Variants in DIAPH2 observed in about 807,000 individuals in gnomAD.
DIAPH2 encodes the protein protein diaphanous homolog 2.
In DIAPH2, 35 loss-of-function variants were observed where a neutral mutation model predicts 92.7. That is an observed-to-expected ratio of 0.38 (90% CI 0.29 to 0.50). The LOEUF is 0.50. DIAPH2 is among the 20% of genes least tolerant of loss of function. The pLI, the probability that DIAPH2 is intolerant of heterozygous loss-of-function variation, is 0.94. For missense variants in DIAPH2, 701 were observed against 819.5 expected, an observed-to-expected ratio of 0.86 and a Z score of 1.77; for synonymous variants, 301 against 280.4, an observed-to-expected ratio of 1.07 and a Z score of -0.73.
chrX:97,356,002 G>T (rs900724792), intron 24 of DIAPH2, among the ~76,000 whole-genome samples: 4 of 111,708 alleles, frequency 3.6e-5, no homozygotes, highest in Non-Finnish European at 1.9e-5. Context: ...AAACTGCTTG[G>T]GGTTGCCTTT....
rs72437319 is a variant in DIAPH2 at position 96,837,429 on chromosome X, CTCTCTGTG to C, written c.448-44148_448-44141del. Reference sequence around the variant, plus strand: ...CCTCTCTCTCTCTCTCTCTCTCTCTCTCTCTGTGTGTGTGTGTGTGTGTGTGTGTGTGT... The same window carrying C: ...CCTCTCTCTCTCTCTCTCTCTCTCTCTGTGTGTGTGTGTGTGTGTGTGTGT... On this transcript the variant is annotated intron_variant, in intron 4 of 26. Transcript: ENST00000324765. Among the ~76,000 whole-genome samples, 208 of 39,075 alleles carry C rather than the reference CTCTCTGTG, an allele frequency of 5.3e-3. 1 individual carries two copies. Among genetic ancestry groups the C allele is most frequent in the African/African-American group, 0.049 (204 of 4,205 alleles). 33.9% of individuals were successfully genotyped at this position (39,075 alleles called of 115,157 possible).
intron 23 of DIAPH2, among the ~76,000 whole-genome samples, chrX:97,319,543 C>A (rs1203662181): frequency 9.1e-6 from 1 of 110,228 alleles, no homozygotes; most frequent in African/African-American, 3.3e-5. Context: ...CCCACCACTG[C>A]ACCCGGCTAA....
intron 22 of DIAPH2, among the ~76,000 whole-genome samples, chrX:97,169,816 C>T (rs1031387949): frequency 1.8e-5 from 2 of 111,203 alleles, no homozygotes; most frequent in African/African-American, 3.3e-5. Flanking sequence ...AGCAATGAGC[C>T]GTGATCGTGC....
intron 3 of DIAPH2, among the ~76,000 whole-genome samples, chrX:96,751,045 C>A (rs192290788): frequency 9.0e-6 from 1 of 111,532 alleles, no homozygotes; most frequent in Admixed American, 9.5e-5. Flanking sequence ...CTAATTATTG[C>A]GGAGAAAAAT....
intron 22 of DIAPH2, among the ~76,000 whole-genome samples, chrX:97,240,549 T>C (rs1369264158): frequency 9.5e-6 from 1 of 104,716 alleles, no homozygotes; most frequent in East Asian, 2.9e-4. Flanking sequence ...GAGCTTGTAG[T>C]GAGCCGAGAT....
chrX:96,903,911 A>G (rs757453912), intron 5 of DIAPH2, among the ~76,000 whole-genome samples: 4 of 112,362 alleles, frequency 3.6e-5, no homozygotes, highest in African/African-American at 9.7e-5. Flanking sequence ...CCTTTTAGAG[A>G]GTGTTTACTT....
chrX:97,102,705 C>T (rs772265892), intron 20 of DIAPH2, among the ~76,000 whole-genome samples: 90 of 111,720 alleles, frequency 8.1e-4, no homozygotes, highest in African/African-American at 2.9e-3. Context: ...TTTGGGAAGC[C>T]GAGGCGGGAG....
chrX:96,872,294 T>C (rs1380155226), intron 4 of DIAPH2, among the ~76,000 whole-genome samples: 1 of 110,768 alleles, frequency 9.0e-6, no homozygotes, highest in African/African-American at 3.3e-5. Flanking sequence ...CATTCTACTC[T>C]CTTATCTCCA....
chrX:97,517,237 T>G (rs911248964), intron 26 of DIAPH2, among the ~76,000 whole-genome samples: 1 of 112,428 alleles, frequency 8.9e-6, no homozygotes. Flanking sequence ...CTGGATAATT[T>G]TATTTATTCA....
intron 23 of DIAPH2, among the ~76,000 whole-genome samples, chrX:97,317,667 A>G (rs749498455): frequency 8.9e-6 from 1 of 111,995 alleles, no homozygotes; most frequent in East Asian, 2.8e-4. Context: ...ATTGTGGAAT[A>G]TTACACTTTG....
intron 17 of DIAPH2, among the ~76,000 whole-genome samples, chrX:97,065,107 C>G (rs1468792630): frequency 2.7e-5 from 3 of 111,395 alleles, no homozygotes; most frequent in Non-Finnish European, 3.8e-5. Flanking sequence ...TACAGATATG[C>G]CTTTCTTAGT....
At chrX:96,955,484 A>G (rs996461441) in intron 15 of DIAPH2, among the ~76,000 whole-genome samples, 1 of 111,026 alleles carries the variant, frequency 9.0e-6, no homozygotes, top group Non-Finnish European at 1.9e-5. Context: ...CCCTTCCAAC[A>G]GTTCCCCAAA....
chrX:97,301,711 A>T (rs2068707226), intron 23 of DIAPH2, among the ~76,000 whole-genome samples: 1 of 111,780 alleles, frequency 8.9e-6, no homozygotes, highest in East Asian at 2.8e-4. Flanking sequence ...TATAGCTGAT[A>T]CGACCAGTGC....
chrX:97,255,369 C>T (rs2068228514), intron 23 of DIAPH2, among the ~76,000 whole-genome samples: 2 of 111,949 alleles, frequency 1.8e-5, no homozygotes, highest in African/African-American at 6.5e-5. Flanking sequence ...ATTAATTTCC[C>T]TATTCCCTGT....
At chrX:97,180,097 A>G (rs924277953) in intron 22 of DIAPH2, among the ~76,000 whole-genome samples, 3 of 112,134 alleles carry the variant, frequency 2.7e-5, no homozygotes, top group Non-Finnish European at 5.6e-5. Flanking sequence ...TTGCTGGGTC[A>G]AATGGTATTT....
intron 26 of DIAPH2, among the ~76,000 whole-genome samples, chrX:97,462,729 C>CTTAA (rs2070470137): frequency 9.0e-6 from 1 of 110,798 alleles, no homozygotes; most frequent in South Asian, 3.9e-4. Flanking sequence ...ATTACTCATT[C>CTTAA]TTAAGACCTG....
chrX:96,980,879 G>A (rs761462888), intron 17 of DIAPH2, among the ~76,000 whole-genome samples: 8 of 108,326 alleles, frequency 7.4e-5, no homozygotes, highest in Non-Finnish European at 1.5e-4. Flanking sequence ...GTGTACATCA[G>A]GCCAGGTGCA....
At chrX:96,950,546 A>G (rs912522043) in intron 15 of DIAPH2, among the ~76,000 whole-genome samples, 2 of 111,609 alleles carry the variant, frequency 1.8e-5, no homozygotes, top group Middle Eastern at 4.6e-3. Flanking sequence ...AACTCCACTC[A>G]TACTACACCT....
At chrX:97,005,202 A>G (rs1164516819) in intron 17 of DIAPH2, among the ~76,000 whole-genome samples, 1 of 110,942 alleles carries the variant, frequency 9.0e-6, no homozygotes, top group Non-Finnish European at 1.9e-5. Flanking sequence ...GTTTGCTGTT[A>G]TTTTGCTGAG....
Sources: allele counts gnomAD v4.1 joint callset (sites outside exome capture counted in the v4.1 genomes callset), GRCh38; gene constraint gnomAD v4.1.1; transcripts MANE v1.5; gene names NCBI Gene and HGNC (gene_info 2026-07-23, HGNC 2026-07-21).